Variants in ELP4 observed in about 807,000 individuals in gnomAD.
The protein encoded by ELP4 is elongator acetyltransferase complex subunit 4, also known as elongator complex protein 4.
A neutral mutation model predicts 48.9 loss-of-function variants in ELP4; 51 were observed. That is an observed-to-expected ratio of 1.04 (90% CI 0.83 to 1.32). The LOEUF (loss-of-function observed/expected upper bound fraction) is 1.32, where lower values mean the gene tolerates loss of function less well. Among genes scored for constraint, ELP4 ranks in the 40% most tolerant of loss-of-function variants. The pLI, the probability that ELP4 is intolerant of heterozygous loss-of-function variation, is 0.00. For missense variants in ELP4, 519 were observed against 514.6 expected, an observed-to-expected ratio of 1.01 and a Z score of -0.08; for synonymous variants, 210 against 189.2, an observed-to-expected ratio of 1.11 and a Z score of -0.90.
In ELP4 at chr11:31,788,149, G is replaced by A. The variant is rs915904279; in HGVS notation, c.*4625G>A. ...TTGGGCTCAAGCACTCCTGCCCTGC[G>A]TGCCTCCACTTTAAACATGATCAGA... On this transcript the variant is annotated 3_prime_UTR_variant, in exon 10 of 10. Coordinates refer to ENST00000640961, the MANE Select transcript of ELP4 (RefSeq NM_019040.5). 1.8e-5 allele frequency: 4 copies of A among 225,198 alleles called. No individual in the cohort carries two copies. Among genetic ancestry groups the A allele is most frequent in the African/African-American group, 8.9e-5 (4 of 44,840 alleles). The allele number at this position is 225,198 out of a possible 1,614,324, so 13.9% of individuals were successfully genotyped here.
chr11:31,661,752 T>C (rs1001958634), intron 9 of ELP4, among the ~76,000 whole-genome samples: 1 of 152,084 alleles, frequency 6.6e-6, no homozygotes, highest in Non-Finnish European at 1.5e-5. Flanking sequence ...AATATATTTC[T>C]AAGGTTTTAC....
chr11:31,525,400 A>G (rs961328737), intron 2 of ELP4, among the ~76,000 whole-genome samples: 2 of 152,208 alleles, frequency 1.3e-5, no homozygotes, highest in Non-Finnish European at 2.9e-5. Context: ...ATCTCTGGAT[A>G]TTGGTTGCAT....
chr11:31,665,220 C>T (rs577749516), intron 9 of ELP4, among the ~76,000 whole-genome samples: 1 of 152,172 alleles, frequency 6.6e-6, no homozygotes, highest in South Asian at 2.1e-4. Flanking sequence ...TCTTGATGAG[C>T]CTGAGGTGAA....
intron 9 of ELP4, among the ~76,000 whole-genome samples, chr11:31,770,564 CA>C (rs374184259): frequency 0.4 from 42,475 of 107,294 alleles, 6,354 homozygotes; most frequent in African/African-American, 0.45. Flanking sequence ...ATAAAATTTC[CA>C]AAAAAAAAAA....
chr11:31,590,729 G>T (rs983378847), intron 3 of ELP4, among the ~76,000 whole-genome samples: 4 of 152,148 alleles, frequency 2.6e-5, no homozygotes, highest in South Asian at 4.1e-4. Flanking sequence ...ATTGAGAACA[G>T]GCATCTCACA....
At chr11:31,724,920 C>T (rs1486314423) in intron 9 of ELP4, among the ~76,000 whole-genome samples, 5 of 152,024 alleles carry the variant, frequency 3.3e-5, no homozygotes, top group Admixed American at 2.0e-4. Flanking sequence ...GCTTTTTTCC[C>T]AATGCAGACT....
At chr11:31,736,297 C>T (rs533188138) in intron 9 of ELP4, among the ~76,000 whole-genome samples, 1 of 152,274 alleles carries the variant, frequency 6.6e-6, no homozygotes, top group South Asian at 2.1e-4. Context: ...AACTGGACCC[C>T]TTCCTTACAC....
intron 3 of ELP4, among the ~76,000 whole-genome samples, chr11:31,544,016 G>A (rs1042720654): frequency 6.6e-5 from 10 of 152,226 alleles, no homozygotes; most frequent in Non-Finnish European, 1.5e-4. Flanking sequence ...AGATCGGGGA[G>A]GAGCCAAGAT....
chr11:31,656,969 T>C (rs1198562107), intron 9 of ELP4, among the ~76,000 whole-genome samples: 2 of 152,022 alleles, frequency 1.3e-5, no homozygotes, highest in Non-Finnish European at 2.9e-5. Context: ...ATTTATAGTG[T>C]CTAAGGAAGA....
chr11:31,569,399 T>C (rs969821708), intron 3 of ELP4, among the ~76,000 whole-genome samples: 1 of 151,956 alleles, frequency 6.6e-6, no homozygotes, highest in African/African-American at 2.4e-5. Flanking sequence ...AATCAACAAG[T>C]AGAAAACAAC....
chr11:31,759,064 T>C (rs900154175), intron 9 of ELP4, among the ~76,000 whole-genome samples: 1 of 152,202 alleles, frequency 6.6e-6, no homozygotes, highest in Non-Finnish European at 1.5e-5. Context: ...TCTGTGAAAA[T>C]TAACAAAATT....
chr11:31,752,061 G>A (rs531567027), intron 9 of ELP4, among the ~76,000 whole-genome samples: 8 of 152,126 alleles, frequency 5.3e-5, no homozygotes, highest in South Asian at 2.1e-4. Flanking sequence ...GGGATAATAC[G>A]GGAAAAGGAA....
chr11:31,724,903 C>G (rs1164719182), intron 9 of ELP4, among the ~76,000 whole-genome samples: 3 of 152,134 alleles, frequency 2.0e-5, no homozygotes, highest in Non-Finnish European at 4.4e-5. Flanking sequence ...AGTTTAAAAT[C>G]TCCTCTGCTT....
At chr11:31,769,416 C>T (rs566442895) in intron 9 of ELP4, among the ~76,000 whole-genome samples, 2 of 152,162 alleles carry the variant, frequency 1.3e-5, no homozygotes, top group African/African-American at 2.4e-5. Context: ...GAGTGTTCAT[C>T]GAAAGCTGCC....
At chr11:31,620,147 T>G (rs1406513863) in intron 5 of ELP4, among the ~76,000 whole-genome samples, 5 of 151,998 alleles carry the variant, frequency 3.3e-5, no homozygotes, top group African/African-American at 1.2e-4. Flanking sequence ...TAAGGGCTTA[T>G]TGAGGTTTGT....
chr11:31,650,362 G>T, intron 9 of ELP4, 141 bp downstream of exon 9: 2 of 432,114 alleles, frequency 4.6e-6, no homozygotes, highest in South Asian at 7.6e-5. Flanking sequence ...GTATTTTTAA[G>T]TTCTTCTAAT....
intron 3 of ELP4, among the ~76,000 whole-genome samples, chr11:31,582,401 A>AT (rs1184673142): frequency 2.6e-5 from 4 of 152,044 alleles, no homozygotes; most frequent in Non-Finnish European, 4.4e-5. Context: ...AGTTCTGATT[A>AT]TTTTTTTCGC....
intron 9 of ELP4, among the ~76,000 whole-genome samples, chr11:31,695,064 A>G (rs1490897571): frequency 2.0e-5 from 3 of 152,100 alleles, no homozygotes; most frequent in South Asian, 2.1e-4. Context: ...GGGCCAAGAC[A>G]ATGGGGTTTT....
At position 31,613,032 on chromosome 11, in the gene ELP4, G is replaced by A. The variant is rs555032853; in HGVS notation, c.653+9125G>A. ...TCTACCACCTTTCGAGGGAAATTCC[G>A]TCGTGCTTTGGAGGGTGGTGGGCAC... On this transcript the variant is annotated intron_variant, in intron 5 of 9. Coordinates refer to ENST00000640961, the MANE Select transcript of ELP4 (RefSeq NM_019040.5). 5.3e-4 allele frequency among the ~76,000 whole-genome samples: 80 copies of A among 152,252 alleles called. No individual in the cohort carries two copies. In the South Asian group the frequency reaches 0.011, roughly 22 times the overall value.
Sources: allele counts gnomAD v4.1 joint callset (sites outside exome capture counted in the v4.1 genomes callset), GRCh38; gene constraint gnomAD v4.1.1; transcripts MANE v1.5; gene names NCBI Gene and HGNC (gene_info 2026-07-23, HGNC 2026-07-21).